Variants in DLG2 observed in about 807,000 individuals in gnomAD.
The protein encoded by DLG2 is discs large MAGUK scaffold protein 2.
In DLG2, 45 loss-of-function variants were observed where a neutral mutation model predicts 132.5. That is an observed-to-expected ratio of 0.34 (90% CI 0.27 to 0.44). The LOEUF is 0.44. Among genes scored for constraint, DLG2 ranks in the 20% least tolerant of loss-of-function variants. The probability of loss-of-function intolerance (pLI) is 1.00; values close to 1 mark genes in which losing one functional copy is unlikely to be tolerated. For missense variants in DLG2, 1,045 were observed against 1,196.9 expected (o/e 0.87, Z 1.87); for synonymous variants, 424 against 419.6 (o/e 1.01, Z -0.13).
At chr11:84,877,091 T>C (rs887850010) in intron 6 of DLG2, among the ~76,000 whole-genome samples, 1 of 152,140 alleles carries the variant, frequency 6.6e-6, no homozygotes, top group African/African-American at 2.4e-5. Flanking sequence ...TGCTGAGAAG[T>C]GTTTTACTTC....
chr11:83,495,503 T>C (rs1048223364), intron 21 of DLG2, among the ~76,000 whole-genome samples: 3 of 152,162 alleles, frequency 2.0e-5, no homozygotes, highest in Non-Finnish European at 4.4e-5. Flanking sequence ...AGTATCCTTC[T>C]CTAAGTTGTC....
chr11:84,689,039 G>T (rs2057702980), intron 6 of DLG2, among the ~76,000 whole-genome samples: 1 of 152,122 alleles, frequency 6.6e-6, no homozygotes, highest in Admixed American at 6.5e-5. Flanking sequence ...TACGTAAAAC[G>T]CTAGCACAGT....
chr11:85,458,572 C>T (rs534929236), intron 3 of DLG2, among the ~76,000 whole-genome samples: 37 of 152,270 alleles, frequency 2.4e-4, no homozygotes, highest in African/African-American at 7.2e-4. Flanking sequence ...TGATAACTGA[C>T]GTGTAGTTTC....
intron 3 of DLG2, among the ~76,000 whole-genome samples, chr11:85,390,146 A>C (rs1356886014): frequency 6.6e-6 from 1 of 152,160 alleles, no homozygotes; most frequent in African/African-American, 2.4e-5. Context: ...AACTTAAGGT[A>C]AAGGGATGGA....
intron 4 of DLG2, among the ~76,000 whole-genome samples, chr11:85,229,675 A>G (rs2075183019): frequency 6.6e-6 from 1 of 152,162 alleles, no homozygotes; most frequent in Non-Finnish European, 1.5e-5. Flanking sequence ...ATTCTATTAT[A>G]AAGACACATG....
chr11:84,664,188 T>C (rs138824884), intron 6 of DLG2, among the ~76,000 whole-genome samples: 2 of 152,194 alleles, frequency 1.3e-5, no homozygotes, highest in Admixed American at 6.6e-5. Flanking sequence ...ATAATCATAA[T>C]TCAATGTTAA....
At chr11:84,424,443 T>A (rs1461167822) in intron 7 of DLG2, among the ~76,000 whole-genome samples, 2 of 152,060 alleles carry the variant, frequency 1.3e-5, no homozygotes. Context: ...CACATTATAT[T>A]CATTTAAAAA....
rs566367785 is a variant in DLG2, at chr11:84,295,282, T to C, written c.520-43991A>G. Among the ~76,000 whole-genome samples, 76 of 152,320 alleles carry C rather than the reference T, an allele frequency of 5.0e-4. No individual in the cohort carries two copies. The South Asian group carries it at 6.0e-3, about 12-fold the overall frequency. On this transcript the variant is annotated intron_variant, in intron 7 of 27. Coordinates refer to ENST00000376104, the MANE Select transcript of DLG2 (RefSeq NM_001142699.3). Reference sequence around the variant, plus strand: ...TCTCCCTATGTTATTTTGGGGGTTATGTTAAAATAATATTAATAGTATATG... The same window carrying C: ...TCTCCCTATGTTATTTTGGGGGTTACGTTAAAATAATATTAATAGTATATG...
chr11:83,786,896 GC>G (rs2040077788), intron 17 of DLG2, 104 bp from the exon 18 acceptor site: 1 of 846,336 alleles, frequency 1.2e-6, no homozygotes, highest in South Asian at 1.5e-5. Flanking sequence ...TATATCACAT[GC>G]CTCAGAAACC....
chr11:85,493,231 C>G (rs1160540563), intron 3 of DLG2, among the ~76,000 whole-genome samples: 1 of 152,106 alleles, frequency 6.6e-6, no homozygotes, highest in African/African-American at 2.4e-5. Context: ...ATTTTAAATG[C>G]TTTTGAAAGC....
At chr11:84,886,153 A>C (rs938053888) in intron 6 of DLG2, among the ~76,000 whole-genome samples, 8 of 152,094 alleles carry the variant, frequency 5.3e-5, no homozygotes, top group Non-Finnish European at 1.0e-4. Flanking sequence ...TGAAGAATGG[A>C]TAATACTGAA....
intron 7 of DLG2, among the ~76,000 whole-genome samples, chr11:84,373,269 A>AAAAAAAAACC (rs1555532736): frequency 7.8e-6 from 1 of 128,430 alleles, no homozygotes; most frequent in African/African-American, 3.5e-5. Flanking sequence ...AAAAAACAAA[A>AAAAAAAAACC]CAAAAAAAAA....
chr11:83,801,614 A>T (rs922320930), intron 17 of DLG2, among the ~76,000 whole-genome samples: 2 of 152,164 alleles, frequency 1.3e-5, no homozygotes, highest in African/African-American at 4.8e-5. Flanking sequence ...CATCTTTGAC[A>T]ACTTATTTTC....
chr11:84,166,574 A>G (rs2095671261), intron 8 of DLG2, among the ~76,000 whole-genome samples: 2 of 152,052 alleles, frequency 1.3e-5, no homozygotes, highest in Admixed American at 1.3e-4. Flanking sequence ...TAATTTGTGA[A>G]AATTTGGTGC....
At chr11:85,299,003 G>A (rs1378251940) in intron 3 of DLG2, among the ~76,000 whole-genome samples, 1 of 152,006 alleles carries the variant, frequency 6.6e-6, no homozygotes, top group Admixed American at 6.6e-5. Flanking sequence ...TTACATCTAG[G>A]TCATAGAAGA....
intron 7 of DLG2, among the ~76,000 whole-genome samples, chr11:84,348,809 A>T (rs1486148260): frequency 6.6e-6 from 1 of 152,172 alleles, no homozygotes; most frequent in African/African-American, 2.4e-5. Context: ...ATATCACCAT[A>T]TGAAGACAAA....
chr11:84,907,118 G>C (rs972466872), intron 6 of DLG2, among the ~76,000 whole-genome samples: 2 of 152,142 alleles, frequency 1.3e-5, no homozygotes, highest in Non-Finnish European at 2.9e-5. Context: ...ATACACCATG[G>C]AAATGAGACT....
chr11:85,370,355 A>C (rs746432458), intron 3 of DLG2, among the ~76,000 whole-genome samples: 1 of 152,210 alleles, frequency 6.6e-6, no homozygotes, highest in Non-Finnish European at 1.5e-5. Context: ...GATTGTTTTG[A>C]GTTAAATTAG....
intron 19 of DLG2, among the ~76,000 whole-genome samples, chr11:83,584,704 C>T (rs1305415954): frequency 6.6e-6 from 1 of 152,198 alleles, no homozygotes; most frequent in Non-Finnish European, 1.5e-5. Context: ...GAGCCATTGC[C>T]ATTCCACAGA....
Sources: gnomAD v4.1 joint callset for allele counts (sites outside exome capture counted in the v4.1 genomes callset) on GRCh38, gnomAD v4.1.1 for gene constraint, MANE v1.5 for transcripts, NCBI Gene and HGNC (gene_info 2026-07-23, HGNC 2026-07-21) for gene names.